SCYL2: variants seen among roughly 807,000 people sequenced by gnomAD.
The protein encoded by SCYL2 is SCY1-like protein 2.
Under a neutral mutation model 100.4 loss-of-function variants are expected in SCYL2, and 36 were observed. That is an observed-to-expected ratio of 0.36 (90% CI 0.27 to 0.47). The LOEUF is 0.47. Among genes scored for constraint, SCYL2 ranks in the 20% least tolerant of loss-of-function variants. The pLI, the probability that SCYL2 is intolerant of heterozygous loss-of-function variation, is 1.00. For missense variants in SCYL2, 902 were observed against 1,083.9 expected (o/e 0.83, Z 2.36); for synonymous variants, 330 against 359.2 (o/e 0.92, Z 0.92).
intron 14 of SCYL2, 54 bp from the exon 15 acceptor site, chr12:100,335,571 T>G: frequency 7.6e-7 from 1 of 1,317,468 alleles, no homozygotes; most frequent in Admixed American, 2.1e-5. Flanking sequence ...GGCATGAGTA[T>G]TTAAAAATAT....
At chr12:100,295,563 G>A (rs2135863347) in intron 3 of SCYL2, among the ~76,000 whole-genome samples, 2 of 151,962 alleles carry the variant, frequency 1.3e-5, no homozygotes, top group East Asian at 3.9e-4. Flanking sequence ...GTCAGGCGTG[G>A]CAGCGCGTGC....
chr12:100,294,719 C>T (rs1481611672), intron 3 of SCYL2, among the ~76,000 whole-genome samples: 29 of 129,672 alleles, frequency 2.2e-4, no homozygotes, highest in African/African-American at 7.5e-4. Flanking sequence ...ACCTCCCTCC[C>T]GGACGGGGTG....
intron 4 of SCYL2, among the ~76,000 whole-genome samples, chr12:100,309,447 A>G (rs2096339413): frequency 6.6e-6 from 1 of 151,474 alleles, no homozygotes; most frequent in African/African-American, 2.4e-5. Context: ...GAATTTGACT[A>G]CTCTAGGTAC....
chr12:100,337,934 C>T (rs1020336659), intron 17 of SCYL2, among the ~76,000 whole-genome samples: 2 of 152,140 alleles, frequency 1.3e-5, no homozygotes, highest in Non-Finnish European at 2.9e-5. Flanking sequence ...TTTGTTTTCT[C>T]CTGTGTTCCA....
chr12:100,340,150 G>T lies in SCYL2; in HGVS notation c.*978G>T, dbSNP rs1297146807. 1 of 152,500 alleles carries T rather than the reference G, an allele frequency of 6.6e-6. No homozygotes were observed. Among genetic ancestry groups the T allele is most frequent in the Non-Finnish European group, 1.5e-5 (1 of 67,972 alleles). The allele number at this position is 152,500 out of a possible 1,614,324, so 9.4% of individuals were successfully genotyped here. On this transcript the variant is annotated 3_prime_UTR_variant, in exon 18 of 18. Coordinates refer to ENST00000360820, the MANE Select transcript of SCYL2 (RefSeq NM_017988.6). ...TTACTTCTGTAAAAATTGAGCAGTT[G>T]TATCTTCTGACCACCAACAGATTTT...
intron 4 of SCYL2, among the ~76,000 whole-genome samples, chr12:100,304,485 C>G (rs894043640): frequency 6.6e-6 from 1 of 152,102 alleles, no homozygotes; most frequent in Non-Finnish European, 1.5e-5. Flanking sequence ...GACATACAGT[C>G]TCTCATGGCT....
At chr12:100,281,026 T>G (rs896550796) in intron 1 of SCYL2, among the ~76,000 whole-genome samples, 13 of 100,660 alleles carry the variant, frequency 1.3e-4, no homozygotes, top group African/African-American at 4.8e-4. Context: ...AGTGTTTTTT[T>G]TTTTTTTTTT....
rs2096280692 is a variant in SCYL2 at position 100,267,807 on chromosome 12, C to T, written c.-29+15C>T. 6.6e-6 allele frequency: 1 copy of T among 152,186 alleles called. No homozygotes were observed. The allele number at this position is 152,186 out of a possible 1,614,324, so 9.4% of individuals were successfully genotyped here. A position where few individuals can be genotyped will look rare whatever the true frequency, so the allele number is the denominator to read the frequency against. Reference sequence around the variant, plus strand: ...TCTAGGACCGGGTGAGAGAGTTCACCTCAGTTCTGAGGTCCGGAATCCGGT... The same window carrying T: ...TCTAGGACCGGGTGAGAGAGTTCACTTCAGTTCTGAGGTCCGGAATCCGGT... On this transcript the variant is annotated intron_variant, in intron 1 of 17. Transcript: ENST00000360820.
intron 9 of SCYL2, among the ~76,000 whole-genome samples, chr12:100,317,344 C>T (rs1486716402): frequency 6.6e-6 from 1 of 152,158 alleles, no homozygotes; most frequent in African/African-American, 2.4e-5. Context: ...GTTTCAGCCG[C>T]CCAAATAGCT....
chr12:100,314,611 C>G lies in SCYL2; in HGVS notation c.1092C>G (p.Pro364=). 1 of 1,591,508 alleles carries G rather than the reference C, an allele frequency of 6.3e-7. No individual in the cohort carries two copies. Among genetic ancestry groups the G allele is most frequent in the South Asian group, 1.2e-5 (1 of 86,006 alleles). The part of the protein sequence containing the change: ...KGLPKVLPKL[P]KRVIVQRILP... Reference sequence around the variant, plus strand: ...TGCCAAAGGTTCTACCAAAACTGCCCAAGGTTTGTTATTGTTAGTTTCTTA... The same window carrying G: ...TGCCAAAGGTTCTACCAAAACTGCCGAAGGTTTGTTATTGTTAGTTTCTTA... The change falls in exon 8 of 18, where the codon CCC becomes CCG. Residue 364 remains proline, a synonymous_variant. Transcript: ENST00000360820.
At position 100,315,744 on chromosome 12, in the gene SCYL2, A is replaced by C. The variant is rs778618925; in HGVS notation, c.1272+10A>C. 20 of 1,589,904 alleles carry C rather than the reference A, an allele frequency of 1.3e-5. No individual in the cohort carries two copies. The South Asian group carries it at 2.0e-4, about 16-fold the overall frequency. On this transcript the variant is annotated intron_variant, in intron 9 of 17. Coordinates refer to ENST00000360820, the MANE Select transcript of SCYL2 (RefSeq NM_017988.6). Reference sequence around the variant, plus strand: ...GCAGGAGCCAATCCAGGTATGTTATAGATATTTTTGTGTATTTATCTACTG... The same window carrying C: ...GCAGGAGCCAATCCAGGTATGTTATCGATATTTTTGTGTATTTATCTACTG...
intron 11 of SCYL2, 114 bp from the exon 12 acceptor site, chr12:100,326,508 A>G (rs1010099519): frequency 5.7e-6 from 4 of 703,374 alleles, no homozygotes; most frequent in Non-Finnish European, 8.7e-6. Context: ...TTCTAAATCT[A>G]CATTTATTCT....
intron 16 of SCYL2, among the ~76,000 whole-genome samples, chr12:100,336,178 G>C (rs1184120794): frequency 2.6e-5 from 4 of 152,046 alleles, no homozygotes; most frequent in African/African-American, 9.7e-5. Context: ...TACTTTGCCA[G>C]TCACACCCCT....
At chr12:100,326,796 C>G in intron 12 of SCYL2, 42 bp downstream of exon 12, 2 of 1,564,698 alleles carry the variant, frequency 1.3e-6, no homozygotes, top group Non-Finnish European at 1.7e-6. Flanking sequence ...TTTTATCATG[C>G]AAATAAATTT....
chr12:100,334,348 T>C, intron 14 of SCYL2, 82 bp downstream of exon 14: 1 of 831,434 alleles, frequency 1.2e-6, no homozygotes, highest in Non-Finnish European at 2.0e-6. Flanking sequence ...GAATATGGAA[T>C]AGAAAACTTG....
intron 1 of SCYL2, 104 bp from the exon 2 acceptor site, chr12:100,282,839 C>T (rs1288701233): frequency 2.0e-6 from 1 of 510,182 alleles, no homozygotes; most frequent in Non-Finnish European, 3.3e-6. Context: ...TAGGATTATT[C>T]TGTTCACTGT....
Position 100,298,015 on chromosome 12 carries a change from T to C in SCYL2, c.336-16T>C, listed in dbSNP as rs1281278043. The C allele has an allele frequency of 2.5e-6, 4 of 1,595,482 alleles. No individual in the cohort carries two copies. Among genetic ancestry groups the C allele is most frequent in the South Asian group, 2.3e-5 (2 of 87,846 alleles). The stretch of plus-strand genomic sequence containing the variant: ...TAATAATATGATAGTAAATAACTTT[T>C]TCTTTTTTAAAACAGGGATTGCTTG... On this transcript the variant is annotated splice_polypyrimidine_tract_variant and intron_variant, in intron 3 of 17. Coordinates refer to ENST00000360820, the MANE Select transcript of SCYL2 (RefSeq NM_017988.6).
chr12:100,285,136 A>G (rs1461277542), intron 2 of SCYL2, among the ~76,000 whole-genome samples: 7 of 152,200 alleles, frequency 4.6e-5, no homozygotes, highest in African/African-American at 1.2e-4. Flanking sequence ...GAATACACCC[A>G]TGTAACCAGC....
chr12:100,310,025 G>A (rs1041400117), intron 4 of SCYL2, among the ~76,000 whole-genome samples: 6 of 151,116 alleles, frequency 4.0e-5, no homozygotes, highest in Non-Finnish European at 7.4e-5. Context: ...TGGAGATGGC[G>A]TCTTGCTGTG....
Sources: gnomAD v4.1 joint callset for allele counts (sites outside exome capture counted in the v4.1 genomes callset) on GRCh38, gnomAD v4.1.1 for gene constraint, MANE v1.5 for transcripts, NCBI Gene and HGNC (gene_info 2026-07-23, HGNC 2026-07-21) for gene names.